The following CNGB1 variants were observed in gnomAD, a reference collection of about 807,000 sequenced individuals.
CNGB1 encodes the protein cyclic nucleotide-gated channel beta-1.
Under a neutral mutation model 151.7 loss-of-function variants are expected in CNGB1, and 126 were observed. The ratio of observed to expected loss-of-function variants is 0.83; its 90% CI spans 0.72 to 0.96. The LOEUF (loss-of-function observed/expected upper bound fraction) is 0.96, where lower values mean the gene tolerates loss of function less well. Ranked by LOEUF, CNGB1 falls within the 40% of genes least tolerant of loss-of-function variation. The pLI is 0.00. For missense variants in CNGB1, 1,698 were observed against 1,627.0 expected (o/e 1.04, Z -0.75); for synonymous variants, 623 against 635.1 (o/e 0.98, Z 0.29).
At chr16:57,896,918 T>A (rs1381380687) in intron 31 of CNGB1, among the ~76,000 whole-genome samples, 1 of 152,018 alleles carries the variant, frequency 6.6e-6, no homozygotes, top group Admixed American at 6.6e-5. Flanking sequence ...GAAGAAAAGG[T>A]ACAAAGGATA....
rs183226262 is a variant in CNGB1 at position 57,899,588 on chromosome 16, C to T, written c.2977-1674G>A. 1.6e-3 allele frequency among the ~76,000 whole-genome samples: 241 copies of T among 152,148 alleles called. 3 individuals are homozygous for T. The South Asian group carries it at 0.034, about 22-fold the overall frequency. Reference sequence around the variant, plus strand: ...CCAGGAGGCGGAGGTTGCAGTGAGCCGAGATAGTGCCACTGCACTCCACCC... The same window carrying T: ...CCAGGAGGCGGAGGTTGCAGTGAGCTGAGATAGTGCCACTGCACTCCACCC... On this transcript the variant is annotated intron_variant, in intron 29 of 32. Transcript: ENST00000251102.
In CNGB1 at chr16:57,950,543, G is replaced by T. The variant is rs1961922464; in HGVS notation, c.875-3C>A. On this transcript the variant is annotated splice_region_variant and splice_polypyrimidine_tract_variant and intron_variant, in intron 12 of 32. Transcript: ENST00000251102. ...TTGTCCTCCAGGAAGGATGCTGACT[G>T]CAGGGAACACAGGAAGAGCCATTTA... 6.2e-7 allele frequency: 1 copy of T among 1,614,006 alleles called. No homozygotes were observed.
chr16:57,918,930 T>A lies in CNGB1; in HGVS notation c.1957+169A>T, dbSNP rs772599031. On this transcript the variant is annotated intron_variant, in intron 20 of 32. Transcript: ENST00000251102. ...AGCCAGGCTGGGTTTGTTTTGAGAATCAGGCAAGAAACTGTGGAATACTTT... is the reference window on the plus strand; with the variant it reads ...AGCCAGGCTGGGTTTGTTTTGAGAAACAGGCAAGAAACTGTGGAATACTTT... Among the ~76,000 whole-genome samples, 4 of 152,144 alleles carry A rather than the reference T, an allele frequency of 2.6e-5. 1 individual carries two copies. The South Asian group carries it at 6.2e-4, about 24-fold the overall frequency.
At chr16:57,896,769 C>T (rs1960241601) in intron 31 of CNGB1, among the ~76,000 whole-genome samples, 1 of 146,648 alleles carries the variant, frequency 6.8e-6, no homozygotes, top group African/African-American at 2.5e-5. Context: ...AATAAAATAA[C>T]TGGCCTATAT....
intron 14 of CNGB1, among the ~76,000 whole-genome samples, chr16:57,948,296 C>G (rs1043908267): frequency 6.7e-6 from 1 of 148,528 alleles, no homozygotes; most frequent in Non-Finnish European, 1.5e-5. Context: ...TTGAGGCAGT[C>G]CTTCTTTCTT....
chr16:57,962,852 A>G lies in CNGB1; in HGVS notation c.402T>C (p.Thr134=), dbSNP rs755240233. Residue 134 remains threonine (T), a synonymous_variant, in exon 6 of 33, where the codon ACT becomes ACC. Coordinates refer to ENST00000251102, the MANE Select transcript of CNGB1 (RefSeq NM_001297.5). The stretch of plus-strand genomic sequence containing the variant: ...GCCCCTTGTTCTTACCTGTGTCCCC[A>G]GTGCTGCCATGCCCCAGGATCTGCC... ...DPAQILGHGS[T]GDTGCTDEPN... 1.9e-6 allele frequency: 3 copies of G among 1,612,658 alleles called. No individual in the cohort carries two copies. In the African/African-American group the frequency reaches 4.0e-5, roughly 22 times the overall value.
In CNGB1 at chr16:57,958,500, G is replaced by C. The variant is rs764316598; in HGVS notation, c.762-15C>G. 1.4e-5 allele frequency: 23 copies of C among 1,612,496 alleles called. No homozygotes were observed. Among genetic ancestry groups the C allele is most frequent in the Non-Finnish European group, 2.0e-5 (23 of 1,178,760 alleles). ...ATGCCACCAGCCTGCAGGTGGGAGA[G>C]AGTGTGCGGTGTCCAGGTGGGAAGG... On this transcript the variant is annotated splice_polypyrimidine_tract_variant and intron_variant, in intron 10 of 32. Coordinates refer to ENST00000251102, the MANE Select transcript of CNGB1 (RefSeq NM_001297.5).
chr16:57,887,952 T>C lies in CNGB1; in HGVS notation c.3365A>G (p.Lys1122Arg), dbSNP rs1356652270. 6.2e-7 allele frequency: 1 copy of C among 1,614,208 alleles called. No homozygotes were observed. Among genetic ancestry groups the C allele is most frequent in the Non-Finnish European group, 8.5e-7 (1 of 1,180,030 alleles). The change falls in exon 32 of 33, where the codon AAG becomes AGG. Residue 1122 changes from lysine (K) to arginine (R), a missense_variant. By Grantham distance (26) the Lys-to-Arg change is conservative. Coordinates refer to ENST00000251102, the MANE Select transcript of CNGB1 (RefSeq NM_001297.5). ...ALAMTGKMGG[K>R]GAKGGKLAHL... ...AGCAAGTTTGCCGCCTTTTGCCCCCTTGCCACCCATCTTTCCTGTCATAGC... is the reference window on the plus strand; with the variant it reads ...AGCAAGTTTGCCGCCTTTTGCCCCCCTGCCACCCATCTTTCCTGTCATAGC...
At chr16:57,952,314 A>C (rs772019273) in intron 12 of CNGB1, among the ~76,000 whole-genome samples, 1 of 152,112 alleles carries the variant, frequency 6.6e-6, no homozygotes, top group Non-Finnish European at 1.5e-5. Flanking sequence ...TTCCCAGTGC[A>C]CTATCCCAGG....
At chr16:57,911,643 C>T (rs752064224) in intron 25 of CNGB1, 110 bp downstream of exon 25, 10 of 1,479,286 alleles carry the variant, frequency 6.8e-6, no homozygotes, top group Non-Finnish European at 9.3e-6. Context: ...AGCAAAGTGG[C>T]CTTGGCAATA....
At chr16:57,901,083 C>T (rs1282299381) in intron 29 of CNGB1, among the ~76,000 whole-genome samples, 1 of 152,102 alleles carries the variant, frequency 6.6e-6, no homozygotes, top group African/African-American at 2.4e-5. Flanking sequence ...TTGTCCTGGC[C>T]CCCATGGTCC....
intron 25 of CNGB1, among the ~76,000 whole-genome samples, chr16:57,905,536 G>T (rs1424578916): frequency 1.3e-5 from 2 of 152,366 alleles, no homozygotes; most frequent in East Asian, 3.9e-4. Flanking sequence ...CTACTGTGTG[G>T]TAAAAGGCAT....
chr16:57,923,518 T>G (rs1348172392), intron 17 of CNGB1, 138 bp from the exon 18 acceptor site: 3 of 710,950 alleles, frequency 4.2e-6, no homozygotes, highest in Non-Finnish European at 7.3e-6. Context: ...AACTTCTGAG[T>G]CCTCATTTGC....
chr16:57,926,373 T>G (rs781685233), intron 17 of CNGB1, among the ~76,000 whole-genome samples: 1 of 152,096 alleles, frequency 6.6e-6, no homozygotes, highest in Non-Finnish European at 1.5e-5. Context: ...GACCCAAACC[T>G]GAGTCTGCCA....
At chr16:57,944,876 C>T (rs1208747648) in intron 14 of CNGB1, among the ~76,000 whole-genome samples, 1 of 150,072 alleles carries the variant, frequency 6.7e-6, no homozygotes, top group African/African-American at 2.5e-5. Context: ...ATCGCTTGAA[C>T]CCAGGAGGCA....
At chr16:57,930,978 A>C (rs1486335817) in intron 17 of CNGB1, among the ~76,000 whole-genome samples, 2 of 152,226 alleles carry the variant, frequency 1.3e-5, no homozygotes, top group Admixed American at 6.5e-5. Context: ...ACAATACTGT[A>C]CTGTACACTT....
rs1180384514 is a variant in CNGB1 at position 57,884,463 on chromosome 16, A to G, written c.3463-6T>C. ...ACGTCTTGCGAGCTCTTGGCCTGGA[A>G]TCCAGAAAGGGTGACTCGTGAGGCA... is the stretch of plus-strand genomic sequence containing the variant. On this transcript the variant is annotated splice_polypyrimidine_tract_variant and splice_region_variant and intron_variant, in intron 32 of 32. Coordinates refer to ENST00000251102, the MANE Select transcript of CNGB1 (RefSeq NM_001297.5). The G allele has an allele frequency of 6.2e-7, 1 of 1,613,150 alleles. No homozygotes were observed. Among genetic ancestry groups the G allele is most frequent in the Non-Finnish European group, 8.5e-7 (1 of 1,179,734 alleles).
intron 20 of CNGB1, among the ~76,000 whole-genome samples, chr16:57,917,967 C>A (rs1466277172): frequency 6.6e-6 from 1 of 151,824 alleles, no homozygotes; most frequent in Non-Finnish European, 1.5e-5. Flanking sequence ...AATGTATTTT[C>A]TTCCTCAGTA....
chr16:57,910,877 C>A (rs1192924404), intron 25 of CNGB1, among the ~76,000 whole-genome samples: 2 of 152,252 alleles, frequency 1.3e-5, no homozygotes, highest in African/African-American at 4.8e-5. Flanking sequence ...TCATCAGGAA[C>A]CCCTGAGGCT....
Sources: gnomAD v4.1 joint callset for allele counts (sites outside exome capture counted in the v4.1 genomes callset) on GRCh38, gnomAD v4.1.1 for gene constraint, MANE v1.5 for transcripts, NCBI Gene and HGNC (gene_info 2026-07-23, HGNC 2026-07-21) for gene names.